RYR3: variants seen among roughly 807,000 people sequenced by gnomAD.
The protein encoded by RYR3 is brain ryanodine receptor-calcium release channel.
RYR3 carries 207 observed loss-of-function variants against 584.3 expected under a neutral mutation model. The observed-to-expected ratio is 0.35, with a 90% CI of 0.32 to 0.40. The LOEUF (loss-of-function observed/expected upper bound fraction) is 0.40, where lower values mean the gene tolerates loss of function less well. RYR3 is among the 10% of genes least tolerant of loss of function. The pLI, the probability that RYR3 is intolerant of heterozygous loss-of-function variation, is 1.00. For missense variants in RYR3, 5,616 were observed against 6,089.2 expected, an observed-to-expected ratio of 0.92 and a Z score of 2.59; for synonymous variants, 2,416 against 2,248.5, an observed-to-expected ratio of 1.07 and a Z score of -2.11.
chr15:33,520,967 A>G (rs1044408822), intron 3 of RYR3, among the ~76,000 whole-genome samples: 8 of 152,148 alleles, frequency 5.3e-5, no homozygotes, highest in Non-Finnish European at 1.0e-4. Flanking sequence ...AGGGGAGGAA[A>G]ATGGTTGCAG....
intron 1 of RYR3, among the ~76,000 whole-genome samples, chr15:33,360,119 C>T (rs1364213695): frequency 2.6e-5 from 4 of 152,088 alleles, no homozygotes; most frequent in African/African-American, 7.2e-5. Context: ...GTACTTGACT[C>T]GTGGCGGTGC....
chr15:33,519,976 C>G (rs187954447), intron 3 of RYR3, among the ~76,000 whole-genome samples: 78 of 152,130 alleles, frequency 5.1e-4, no homozygotes, highest in Admixed American at 4.4e-3. Context: ...GAATCGATCT[C>G]CAACTAGGAA....
intron 37 of RYR3, 46 bp from the exon 38 acceptor site, chr15:33,670,373 T>C (rs1467515611): frequency 2.5e-6 from 4 of 1,601,608 alleles, no homozygotes; most frequent in Non-Finnish European, 3.4e-6. Flanking sequence ...ACTATGATGG[T>C]TTCATGCACT....
At chr15:33,448,278 T>G (rs1234747684) in intron 1 of RYR3, among the ~76,000 whole-genome samples, 3 of 152,146 alleles carry the variant, frequency 2.0e-5, no homozygotes, top group Admixed American at 1.3e-4. Flanking sequence ...CATGACTGCT[T>G]TTTGCTCCTC....
At position 33,848,372 on chromosome 15, in the gene RYR3, T is replaced by C. The variant is rs1212625920; in HGVS notation, c.13579T>C (p.Ser4527Pro). 1 of 1,613,722 alleles carries C rather than the reference T, an allele frequency of 6.2e-7. No individual in the cohort carries two copies. The highest frequency in any genetic ancestry group is 1.7e-5 in the Admixed American group (1 of 60,010). The part of the protein sequence containing the change: ...FDGLYITEQP[S>P]EDDIKGQWDR... ...TGGCCTATATATCACCGAACAGCCA[T>C]CTGAAGATGACATCAAGGGGCAGTG... is the stretch of plus-strand genomic sequence containing the variant. The change falls in exon 94 of 104, where the codon TCT becomes CCT. Residue 4527 changes from serine to proline, a missense_variant. This residue lies in a region of RYR3 where 918 missense variants were observed against 887.4 expected (regional missense o/e 1.03). Coordinates refer to ENST00000634891, the MANE Select transcript of RYR3 (RefSeq NM_001036.6).
intron 69 of RYR3, among the ~76,000 whole-genome samples, chr15:33,806,389 G>T (rs541663599): frequency 6.6e-6 from 1 of 151,920 alleles, no homozygotes; most frequent in Non-Finnish European, 1.5e-5. Flanking sequence ...GGCCAGTGTC[G>T]TGCCTGTAAT....
At chr15:33,768,936 T>C (rs533176238) in intron 61 of RYR3, among the ~76,000 whole-genome samples, 176 bp from the exon 62 acceptor site, 39 of 146,048 alleles carry the variant, frequency 2.7e-4, no homozygotes, top group Non-Finnish European at 5.2e-4. Flanking sequence ...ACATCCATCA[T>C]AAAGCAAGGC....
intron 30 of RYR3, among the ~76,000 whole-genome samples, chr15:33,648,473 GC>G (rs1287308425): frequency 6.6e-6 from 1 of 152,186 alleles, no homozygotes; most frequent in Non-Finnish European, 1.5e-5. Context: ...GATTGTATGA[GC>G]CCTGCCAAAA....
At chr15:33,457,855 TTTAAAAG>T (rs1321380596) in intron 1 of RYR3, among the ~76,000 whole-genome samples, 1 of 152,220 alleles carries the variant, frequency 6.6e-6, no homozygotes, top group African/African-American at 2.4e-5. Context: ...ATGTGTTCAT[TTTAAAAG>T]TTAAAATAGT....
Position 33,350,113 on chromosome 15 carries a change from G to A in RYR3, c.51+39017G>A, listed in dbSNP as rs1289236967. ...ATAGTCCTTTGGGTATATACCCAGT[G>A]ATGGGATGGCTGGGTCAAATGGTAT... On this transcript the variant is annotated intron_variant, in intron 1 of 103. Transcript: ENST00000634891. Among the ~76,000 whole-genome samples the A allele has an allele frequency of 6.6e-5, 10 of 152,054 alleles. No individual in the cohort carries two copies. In the East Asian group the frequency reaches 1.2e-3, roughly 18 times the overall value.
At chr15:33,734,788 C>A (rs2069286526) in intron 48 of RYR3, among the ~76,000 whole-genome samples, 1 of 148,420 alleles carries the variant, frequency 6.7e-6, no homozygotes, top group Non-Finnish European at 1.5e-5. Flanking sequence ...CTCCCAGGTT[C>A]ACACAATTCT....
intron 86 of RYR3, 82 bp downstream of exon 86, chr15:33,831,173 G>C: frequency 1.5e-6 from 2 of 1,370,676 alleles, no homozygotes; most frequent in Non-Finnish European, 1.0e-6. Flanking sequence ...CAGAATACTT[G>C]ATTGTACACA....
At chr15:33,379,930 G>T (rs11072424) in intron 1 of RYR3, among the ~76,000 whole-genome samples, 12,467 of 151,828 alleles carry the variant, frequency 0.082, 1,118 homozygotes, top group African/African-American at 0.23. Context: ...GAAGAACCTG[G>T]AGTCTGATGT....
chr15:33,816,841 C>T lies in RYR3; in HGVS notation c.10503-21C>T. Reference sequence around the variant, plus strand: ...AGTTCCATGGATCCCTCTTGACCTCCCTCTCACCCCTTCCGCTCAGGCACC... The same window carrying T: ...AGTTCCATGGATCCCTCTTGACCTCTCTCTCACCCCTTCCGCTCAGGCACC... On this transcript the variant is annotated intron_variant, in intron 74 of 103. Transcript: ENST00000634891. The T allele has an allele frequency of 1.9e-6, 3 of 1,553,494 alleles. No homozygotes were observed. The highest frequency in any genetic ancestry group is 1.4e-5 in the African/African-American group (1 of 73,814).
At chr15:33,634,924 T>C (rs1408553258) in intron 25 of RYR3, among the ~76,000 whole-genome samples, 191 bp downstream of exon 25, 1 of 152,208 alleles carries the variant, frequency 6.6e-6, no homozygotes. Context: ...CATCATCCCA[T>C]TGACAGATTT....
At chr15:33,387,004 C>T (rs912597699) in intron 1 of RYR3, among the ~76,000 whole-genome samples, 19 of 152,046 alleles carry the variant, frequency 1.2e-4, no homozygotes, top group Admixed American at 1.3e-4. Flanking sequence ...ACTACAGGCG[C>T]CCACCACCAC....
chr15:33,352,650 G>A (rs1973437467), intron 1 of RYR3, among the ~76,000 whole-genome samples: 1 of 152,146 alleles, frequency 6.6e-6, no homozygotes, highest in African/African-American at 2.4e-5. Context: ...GTTACTTTGG[G>A]TCTGATACTC....
intron 1 of RYR3, among the ~76,000 whole-genome samples, chr15:33,330,716 A>G (rs890993595): frequency 6.6e-6 from 1 of 152,210 alleles, no homozygotes; most frequent in African/African-American, 2.4e-5. Context: ...AATTCTAGGC[A>G]TGCTAGGAGC....
chr15:33,857,072 G>C (rs1488238361), intron 98 of RYR3, among the ~76,000 whole-genome samples: 1 of 152,096 alleles, frequency 6.6e-6, no homozygotes, highest in Non-Finnish European at 1.5e-5. Context: ...CACAGCACCT[G>C]CACTATTCAA....
Sources: allele counts gnomAD v4.1 joint callset (sites outside exome capture counted in the v4.1 genomes callset), GRCh38; gene constraint gnomAD v4.1.1; regional missense constraint gnomAD v4.1.1; transcripts MANE v1.5; gene names NCBI Gene and HGNC (gene_info 2026-07-23, HGNC 2026-07-21).